Variants in TAPBP observed in about 807,000 individuals in gnomAD.
TAPBP encodes tapasin.
A neutral mutation model predicts 45.7 loss-of-function variants in TAPBP; 38 were observed. The observed-to-expected ratio is 0.83, with a 90% confidence interval of 0.64 to 1.09. TAPBP has a LOEUF of 1.09. Ranked by LOEUF, TAPBP falls within the 50% of genes least tolerant of loss-of-function variation. TAPBP has a pLI of 0.00. For missense variants in TAPBP, 513 were observed against 587.3 expected, an observed-to-expected ratio of 0.87 and a Z score of 1.31; for synonymous variants, 226 against 254.8, an observed-to-expected ratio of 0.89 and a Z score of 1.08.
rs1339528369 is a variant in TAPBP at position 33,301,350 on chromosome 6, G to C, written c.*410C>G. 1 of 183,104 alleles carries C rather than the reference G, an allele frequency of 5.5e-6. No individual in the cohort carries two copies. The highest frequency in any genetic ancestry group is 1.2e-5 in the Non-Finnish European group (1 of 86,346). 11.3% of individuals were successfully genotyped at this position (183,104 alleles called of 1,614,324 possible). A position where few individuals can be genotyped will look rare whatever the true frequency, so the allele number is the denominator to read the frequency against. On this transcript the variant is annotated 3_prime_UTR_variant, in exon 8 of 8. Transcript: ENST00000434618. Reference sequence around the variant, plus strand: ...GCACTTTGGGAGGCTGAGGTGGGCAGATCACCTGAGGTCAGGAATTCAAGA... The same window carrying C: ...GCACTTTGGGAGGCTGAGGTGGGCACATCACCTGAGGTCAGGAATTCAAGA...
At position 33,305,763 on chromosome 6, in the gene TAPBP, C is replaced by A. The variant is rs1768934528; in HGVS notation, c.470-376G>T. 6.6e-6 allele frequency among the ~76,000 whole-genome samples: 1 copy of A among 151,938 alleles called. No individual in the cohort carries two copies. Among genetic ancestry groups the A allele is most frequent in the Non-Finnish European group, 1.5e-5 (1 of 68,024 alleles). ...CAAGCACCACCCTTGAGGAACCAGG[C>A]CTTTCTTGATTACAGGCGAAGACAA... On this transcript the variant is annotated intron_variant, in intron 3 of 7. Coordinates refer to ENST00000434618, the MANE Select transcript of TAPBP (RefSeq NM_003190.5). The surrounding 1 kb of genome is among the most constrained non-coding windows in gnomAD (Gnocchi z 4.4).
intron 3 of TAPBP, among the ~76,000 whole-genome samples, chr6:33,312,063 T>C (rs1769387322): frequency 6.6e-6 from 1 of 152,232 alleles, no homozygotes; most frequent in East Asian, 1.9e-4. Flanking sequence ...GAAAAGCAGC[T>C]GGGAAATAGT....
Position 33,305,474 on chromosome 6 carries a change from A to T in TAPBP, c.470-87T>A. The T allele has an allele frequency of 7.3e-7, 1 of 1,369,166 alleles. No individual in the cohort carries two copies. The highest frequency in any genetic ancestry group is 9.7e-7 in the Non-Finnish European group (1 of 1,026,670). 84.8% of individuals were successfully genotyped at this position (1,369,166 alleles called of 1,614,324 possible). On this transcript the variant is annotated intron_variant, in intron 3 of 7. Coordinates refer to ENST00000434618, the MANE Select transcript of TAPBP (RefSeq NM_003190.5). This position sits in a 1 kb window ranked among gnomAD's most constrained non-coding sequence, Gnocchi z 4.4. ...AAATAGAGAAATGCAGTTATTGGGG[A>T]GGGCTAAACTGCAGTTTACCCACCC...
At position 33,312,995 on chromosome 6, in the gene TAPBP, T is replaced by C. The variant is rs372363720; in HGVS notation, c.469+222A>G. The C allele has an allele frequency of 2.3e-4, 85 of 368,864 alleles. 1 individual carries two copies. In the South Asian group the frequency reaches 3.1e-3, roughly 14 times the overall value. The allele number at this position is 368,864 out of a possible 1,614,324, so 22.8% of individuals were successfully genotyped here. A position where few individuals can be genotyped will look rare whatever the true frequency, so the allele number is the denominator to read the frequency against. On this transcript the variant is annotated intron_variant, in intron 3 of 7. Coordinates refer to ENST00000434618, the MANE Select transcript of TAPBP (RefSeq NM_003190.5). ...CCGGCCCTGCTTTCCCCCTACCCCC[T>C]GCCAAGCTGCAGTTTTTTTTTTGTT...
chr6:33,303,217 G>A (rs1311045547), intron 7 of TAPBP, among the ~76,000 whole-genome samples: 2 of 151,948 alleles, frequency 1.3e-5, no homozygotes, highest in Non-Finnish European at 2.9e-5. Context: ...TCGGGAGTTC[G>A]AGACCAGCCT....
At chr6:33,301,858 A>T in intron 7 of TAPBP, 87 bp from the exon 8 acceptor site, 2 of 1,583,626 alleles carry the variant, frequency 1.3e-6, no homozygotes, top group South Asian at 2.2e-5. Context: ...ATAAACTATC[A>T]TGGGCACAGA....
In TAPBP at chr6:33,313,008, T is replaced by TG; in HGVS notation, c.469+208_469+209insC. On this transcript the variant is annotated intron_variant, in intron 3 of 7. Transcript: ENST00000434618. This position sits in a 1 kb window ranked among gnomAD's most constrained non-coding sequence, Gnocchi z 7.2. ...CCCCCTACCCCCTGCCAAGCTGCAG[T>TG]TTTTTTTTTGTTTTTTTTTTTTAAC... 1 of 415,284 alleles carries TG rather than the reference T, an allele frequency of 2.4e-6. No homozygotes were observed. Among genetic ancestry groups the TG allele is most frequent in the African/African-American group, 3.5e-5 (1 of 28,798 alleles). The allele number at this position is 415,284 out of a possible 1,614,324, so 25.7% of individuals were successfully genotyped here. A position where few individuals can be genotyped will look rare whatever the true frequency, so the allele number is the denominator to read the frequency against.
At chr6:33,308,955 T>A (rs1769154189) in intron 3 of TAPBP, among the ~76,000 whole-genome samples, 1 of 152,204 alleles carries the variant, frequency 6.6e-6, no homozygotes, top group Non-Finnish European at 1.5e-5. Flanking sequence ...ATTATTTTTA[T>A]GTTCTTTTTA....
At chr6:33,302,512 A>G (rs1768659562) in intron 7 of TAPBP, among the ~76,000 whole-genome samples, 1 of 151,942 alleles carries the variant, frequency 6.6e-6, no homozygotes, top group East Asian at 1.9e-4. Context: ...TTTTTAGTAG[A>G]GACGGGGTTT....
At position 33,309,422 on chromosome 6, in the gene TAPBP, G is replaced by A. The variant is rs529259622; in HGVS notation, c.469+3795C>T. On this transcript the variant is annotated intron_variant, in intron 3 of 7. Transcript: ENST00000434618. ...TCCATAGAATTAATAAACAAAACCTGGCTGGGCAGGGTGGCTCAGACTTGT... is the reference window on the plus strand; with the variant it reads ...TCCATAGAATTAATAAACAAAACCTAGCTGGGCAGGGTGGCTCAGACTTGT... Among the ~76,000 whole-genome samples the A allele has an allele frequency of 7.9e-5, 12 of 151,472 alleles. No homozygotes were observed. In the East Asian group the frequency reaches 2.3e-3, roughly 29 times the overall value.
At position 33,301,140 on chromosome 6, in the gene TAPBP, T is replaced by C. The variant is rs1164774826; in HGVS notation, c.*620A>G. The stretch of plus-strand genomic sequence containing the variant: ...CTTTTAAGTTCTAGTACCATAAATA[T>C]TGATAGCTATAACCCACATACCCAA... On this transcript the variant is annotated 3_prime_UTR_variant, in exon 8 of 8. Transcript: ENST00000434618. 2 of 152,364 alleles carry C rather than the reference T, an allele frequency of 1.3e-5. No individual in the cohort carries two copies. The highest frequency in any genetic ancestry group is 6.5e-5 in the Admixed American group (1 of 15,290). 9.4% of individuals were successfully genotyped at this position (152,364 alleles called of 1,614,324 possible).
chr6:33,305,856 C>T lies in TAPBP; in HGVS notation c.470-469G>A, dbSNP rs1562690186. Among the ~76,000 whole-genome samples, 2 of 152,190 alleles carry T rather than the reference C, an allele frequency of 1.3e-5. No individual in the cohort carries two copies. The highest frequency in any genetic ancestry group is 2.1e-4 in the South Asian group (1 of 4,830). On this transcript the variant is annotated intron_variant, in intron 3 of 7. Coordinates refer to ENST00000434618, the MANE Select transcript of TAPBP (RefSeq NM_003190.5). The surrounding 1 kb of genome is among the most constrained non-coding windows in gnomAD (Gnocchi z 4.4). ...ATTTACTGACTCTAGAAGGTTCCAG[C>T]TCTAGCCTAGACCTGAGCACAGACC... is the stretch of plus-strand genomic sequence containing the variant.
Position 33,301,644 on chromosome 6 carries a change from C to A in TAPBP, c.*116G>T. On this transcript the variant is annotated 3_prime_UTR_variant, in exon 8 of 8. Coordinates refer to ENST00000434618, the MANE Select transcript of TAPBP (RefSeq NM_003190.5). ...AAAAAAAAAAAGCATTCCAGCCACT[C>A]AGTGGAGAGAGATTGGAGGGATTAG... 2 of 854,296 alleles carry A rather than the reference C, an allele frequency of 2.3e-6. No individual in the cohort carries two copies. Among genetic ancestry groups the A allele is most frequent in the Non-Finnish European group, 3.8e-6 (2 of 529,770 alleles). The allele number at this position is 854,296 out of a possible 1,614,324, so 52.9% of individuals were successfully genotyped here.
intron 3 of TAPBP, chr6:33,312,881 C>T: frequency 3.2e-6 from 1 of 315,542 alleles, no homozygotes; most frequent in Non-Finnish European, 5.8e-6. Context: ...CACCTCGCAT[C>T]ACCTGACAAG....
At position 33,308,333 on chromosome 6, in the gene TAPBP, C is replaced by T. The variant is rs563558256; in HGVS notation, c.470-2946G>A. Among the ~76,000 whole-genome samples the T allele has an allele frequency of 5.9e-5, 9 of 151,932 alleles. No homozygotes were observed. The South Asian group carries it at 6.2e-4, about 11-fold the overall frequency. On this transcript the variant is annotated intron_variant, in intron 3 of 7. Transcript: ENST00000434618. ...AGCATGGGTGACAAGAGTGAAACTC[C>T]GTCTCAAAAAATAAATATGTACATA...
intron 3 of TAPBP, among the ~76,000 whole-genome samples, chr6:33,307,305 T>C (rs1718478734): frequency 6.8e-6 from 1 of 146,460 alleles, no homozygotes. Context: ...AATAAATAAA[T>C]AAAATAAAAA....
chr6:33,311,687 C>T (rs1013098712), intron 3 of TAPBP, among the ~76,000 whole-genome samples: 22 of 152,258 alleles, frequency 1.4e-4, no homozygotes, highest in Non-Finnish European at 8.8e-5. Flanking sequence ...CTTGCTTTGA[C>T]CCCAGTTGTT....
chr6:33,304,244 G>A, intron 5 of TAPBP, 27 bp from the exon 6 acceptor site: 1 of 1,610,038 alleles, frequency 6.2e-7, no homozygotes, highest in Non-Finnish European at 8.5e-7. Context: ...GTGAGAGTGA[G>A]CTCCTGTCTT....
At chr6:33,308,759 C>T (rs937551539) in intron 3 of TAPBP, among the ~76,000 whole-genome samples, 1 of 151,698 alleles carries the variant, frequency 6.6e-6, no homozygotes, top group Non-Finnish European at 1.5e-5. Context: ...GCTTATCAGC[C>T]ATCGTTAGTG....
Sources: allele counts gnomAD v4.1 joint callset (sites outside exome capture counted in the v4.1 genomes callset), GRCh38; gene constraint gnomAD v4.1.1; non-coding constraint Gnocchi (gnomAD v3.1); transcripts MANE v1.5; gene names NCBI Gene and HGNC (gene_info 2026-07-23, HGNC 2026-07-21).